P2RY8: variants seen among roughly 807,000 people sequenced by gnomAD.
P2RY8 encodes S-geranylgeranyl-glutathione receptor P2RY8.
P2RY8 carries 6 observed loss-of-function variants against 10.0 expected under a neutral mutation model. That is an observed-to-expected ratio of 0.60 (90% CI 0.33 to 1.19). The LOEUF (loss-of-function observed/expected upper bound fraction) is 1.19, where lower values mean the gene tolerates loss of function less well. Among genes scored for constraint, P2RY8 ranks in the 50% most tolerant of loss-of-function variants. P2RY8 has a pLI of 0.04. For synonymous variants in P2RY8, 276 were observed against 252.5 expected (o/e 1.09, Z -0.88); for missense variants, 456 against 542.0 (o/e 0.84, Z 1.58).
chrX:1,516,020 TAAAAAA>T (rs765204755), intron 1 of P2RY8, among the ~76,000 whole-genome samples: 3 of 126,016 alleles, frequency 2.4e-5, no homozygotes, highest in African/African-American at 3.0e-5. Flanking sequence ...CTGTCTCTAC[TAAAAAA>T]AAAAAAAAAA....
At chrX:1,534,929 T>C (rs1233945327) in intron 1 of P2RY8, among the ~76,000 whole-genome samples, 1 of 152,008 alleles carries the variant, frequency 6.6e-6, no homozygotes, top group African/African-American at 2.4e-5. Context: ...CCAAGGTTGG[T>C]CAGTCTGAAT....
intron 1 of P2RY8, among the ~76,000 whole-genome samples, chrX:1,521,001 C>G (rs1300485257): frequency 5.6e-4 from 84 of 151,060 alleles, no homozygotes; most frequent in Non-Finnish European, 9.7e-4. Flanking sequence ...AATCATCACC[C>G]TGCTCCCCAA....
At chrX:1,474,373 A>ATGGATGGATGGATG in intron 1 of P2RY8, among the ~76,000 whole-genome samples, 1 of 34,524 alleles carries the variant, frequency 2.9e-5, no homozygotes, top group Non-Finnish European at 7.5e-5. Flanking sequence ...ATGGATGGAT[A>ATGGATGGATGGATG]AGTGGGTGGG....
intron 1 of P2RY8, among the ~76,000 whole-genome samples, chrX:1,510,874 G>A (rs1472667324): frequency 1.3e-5 from 2 of 151,234 alleles, no homozygotes; most frequent in South Asian, 2.1e-4. Context: ...GTGTGACTCC[G>A]TCTCAAAAAG....
chrX:1,492,358 G>A (rs1330400273), intron 1 of P2RY8, among the ~76,000 whole-genome samples: 3 of 152,104 alleles, frequency 2.0e-5, no homozygotes, highest in Non-Finnish European at 4.4e-5. Flanking sequence ...TTCAGGAGGT[G>A]TAACTTGTGG....
intron 1 of P2RY8, among the ~76,000 whole-genome samples, chrX:1,495,623 T>C (rs1458133551): frequency 7.2e-6 from 1 of 138,796 alleles, no homozygotes; most frequent in African/African-American, 2.8e-5. Context: ...TATTCTGGGA[T>C]AGTCGTTCGA....
chrX:1,515,113 G>A (rs1299016520), intron 1 of P2RY8, among the ~76,000 whole-genome samples: 1 of 151,052 alleles, frequency 6.6e-6, no homozygotes, highest in East Asian at 2.0e-4. Context: ...TTCACCATAT[G>A]TTGCCCAGGC....
At chrX:1,490,323 C>T (rs1370982064) in intron 1 of P2RY8, among the ~76,000 whole-genome samples, 3 of 140,126 alleles carry the variant, frequency 2.1e-5, no homozygotes, top group African/African-American at 8.1e-5. Context: ...GAATGATACC[C>T]CAGATTCACT....
rs2092533622 is a variant in P2RY8, at chrX:1,537,162, C to A, written c.-266G>T. 4.3e-6 allele frequency: 1 copy of A among 232,670 alleles called. No homozygotes were observed. The highest frequency in any genetic ancestry group is 2.2e-5 in the African/African-American group (1 of 45,402). The allele number at this position is 232,670 out of a possible 1,614,324, so 14.4% of individuals were successfully genotyped here. A position where few individuals can be genotyped will look rare whatever the true frequency, so the allele number is the denominator to read the frequency against. On this transcript the variant is annotated 5_prime_UTR_variant, in exon 1 of 2. Transcript: ENST00000381297. The stretch of plus-strand genomic sequence containing the variant: ...GCGGCCGCTTCGCTGGGTGGCCCAC[C>A]GGCTGGCACGACTGTCTCCGAATGC...
intron 1 of P2RY8, among the ~76,000 whole-genome samples, chrX:1,529,536 G>A (rs2092459525): frequency 6.6e-6 from 1 of 152,024 alleles, no homozygotes; most frequent in Non-Finnish European, 1.5e-5. Context: ...TGGAGCCTGG[G>A]AAGATGCTCA....
At chrX:1,516,475 C>G (rs2092350720) in intron 1 of P2RY8, among the ~76,000 whole-genome samples, 2 of 150,406 alleles carry the variant, frequency 1.3e-5, no homozygotes, top group South Asian at 4.2e-4. Flanking sequence ...GCCGCCCAGT[C>G]TATGGTGTTC....
intron 1 of P2RY8, among the ~76,000 whole-genome samples, chrX:1,484,334 T>C (rs2091966649): frequency 1.3e-5 from 2 of 152,202 alleles, no homozygotes; most frequent in Middle Eastern, 3.4e-3. Context: ...ATTTCTTTGT[T>C]CTCTTTGTGA....
chrX:1,524,139 A>G (rs1279967372), intron 1 of P2RY8, among the ~76,000 whole-genome samples: 3 of 152,110 alleles, frequency 2.0e-5, no homozygotes, highest in African/African-American at 4.8e-5. Flanking sequence ...CTCATCTGCA[A>G]TGTAGCGATG....
intron 1 of P2RY8, among the ~76,000 whole-genome samples, chrX:1,481,617 C>T (rs1569536927): frequency 6.6e-6 from 1 of 151,864 alleles, no homozygotes; most frequent in Admixed American, 6.6e-5. Flanking sequence ...GAGAGTCCAG[C>T]TTTGGGATTA....
At chrX:1,533,861 T>A (rs1391122517) in intron 1 of P2RY8, among the ~76,000 whole-genome samples, 1 of 122,654 alleles carries the variant, frequency 8.2e-6, no homozygotes, top group Admixed American at 9.2e-5. Flanking sequence ...ATTATGTATT[T>A]ATATATTATT....
intron 1 of P2RY8, among the ~76,000 whole-genome samples, chrX:1,486,913 G>T (rs1431510835): frequency 6.6e-6 from 1 of 152,192 alleles, no homozygotes; most frequent in Non-Finnish European, 1.5e-5. Context: ...CCCTCAGAGA[G>T]CCCCGGTCAC....
chrX:1,484,065 C>G (rs1291109323), intron 1 of P2RY8, among the ~76,000 whole-genome samples: 3 of 151,066 alleles, frequency 2.0e-5, no homozygotes, highest in Non-Finnish European at 3.0e-5. Flanking sequence ...AAACCCAAAG[C>G]TGGGCCCTTA....
chrX:1,513,459 C>T (rs2092315342), intron 1 of P2RY8, among the ~76,000 whole-genome samples: 1 of 151,846 alleles, frequency 6.6e-6, no homozygotes, highest in Non-Finnish European at 1.5e-5. Flanking sequence ...CTGGGGGCTC[C>T]AGGCATCCCT....
intron 1 of P2RY8, among the ~76,000 whole-genome samples, chrX:1,517,488 G>A (rs2092360091): frequency 6.6e-6 from 1 of 152,194 alleles, no homozygotes; most frequent in Non-Finnish European, 1.5e-5. Flanking sequence ...CATGGCCTTA[G>A]ACTGCTGTTC....
Sources: allele counts gnomAD v4.1 joint callset (sites outside exome capture counted in the v4.1 genomes callset), GRCh38; gene constraint gnomAD v4.1.1; transcripts MANE v1.5; gene names NCBI Gene and HGNC (gene_info 2026-07-23, HGNC 2026-07-21).